The following ROCK2 variants were observed in gnomAD, a reference collection of about 807,000 sequenced individuals.
The protein encoded by ROCK2 is rho-associated protein kinase 2.
ROCK2 carries 61 observed loss-of-function variants against 195.1 expected under a neutral mutation model. That is an observed-to-expected ratio of 0.31 (90% CI 0.25 to 0.39). The LOEUF is 0.39. ROCK2 is among the 10% of genes least tolerant of loss of function. The pLI is 1.00. For missense variants in ROCK2, 1,109 were observed against 1,637.4 expected, an observed-to-expected ratio of 0.68 and a Z score of 5.57; for synonymous variants, 504 against 545.5, an observed-to-expected ratio of 0.92 and a Z score of 1.06.
At chr2:11,283,157 C>T (rs1422162331) in intron 3 of ROCK2, among the ~76,000 whole-genome samples, 2 of 151,836 alleles carry the variant, frequency 1.3e-5, no homozygotes, top group Non-Finnish European at 2.9e-5. Flanking sequence ...ATCCCAGCTA[C>T]TTGGGAGGCT....
chr2:11,327,112 G>A (rs1245249084), intron 1 of ROCK2, among the ~76,000 whole-genome samples: 1 of 152,068 alleles, frequency 6.6e-6, no homozygotes, highest in Admixed American at 6.6e-5. Context: ...TGCTTTTTTT[G>A]TTGGCCAAAG....
At chr2:11,241,145 A>C (rs1469513111) in intron 4 of ROCK2, among the ~76,000 whole-genome samples, 1 of 152,234 alleles carries the variant, frequency 6.6e-6, no homozygotes, top group Admixed American at 6.5e-5. Flanking sequence ...ATCAAAAGGA[A>C]TGAAATATTG....
intron 1 of ROCK2, among the ~76,000 whole-genome samples, chr2:11,312,707 A>G (rs1251684539): frequency 6.6e-6 from 1 of 152,098 alleles, no homozygotes; most frequent in Non-Finnish European, 1.5e-5. Flanking sequence ...TAGCAGCTTT[A>G]TAATTGCCAA....
intron 4 of ROCK2, among the ~76,000 whole-genome samples, chr2:11,247,969 C>T (rs1260518044): frequency 6.6e-6 from 1 of 151,464 alleles, no homozygotes; most frequent in African/African-American, 2.4e-5. Context: ...TTGCAATGAG[C>T]GAAGATCACG....
At chr2:11,248,708 CAAAAAAAAAAAAAAAAAAAAA>C in intron 4 of ROCK2, among the ~76,000 whole-genome samples, 1 of 45,416 alleles carries the variant, frequency 2.2e-5, no homozygotes, top group South Asian at 1.2e-3. Context: ...GACTTCATCT[CAAAAAAAAAAAAAAAAAAAAA>C]AAAAAAAAAG....
chr2:11,265,301 T>A lies in ROCK2; in HGVS notation c.325-15503A>T, dbSNP rs188670409. On this transcript the variant is annotated intron_variant, in intron 3 of 32. Transcript: ENST00000315872. The stretch of plus-strand genomic sequence containing the variant: ...AATGGGCAAGTTGGAAATCTAGATA[T>A]CAAATTAATAAGAGTAGTTCTCTCT... Among the ~76,000 whole-genome samples the A allele has an allele frequency of 6.7e-3, 1,020 of 152,272 alleles. 8 individuals carry two copies. Among genetic ancestry groups the A allele is most frequent in the Non-Finnish European group, 9.7e-3 (662 of 68,006 alleles).
chr2:11,287,730 A>G lies in ROCK2; in HGVS notation c.148T>C (p.Leu50=). The change falls in exon 2 of 33, where the codon TTA becomes CTA. Residue 50 remains leucine, a synonymous_variant. Transcript: ENST00000315872. ...TCTAAATCAAGGACCAAGGAATTTA[A>G]GCCATCCTGTTAAGAAATAAAAAGA... ...PINVESLLDG[L]NSLVLDLDFP... 2 of 1,293,456 alleles carry G rather than the reference A, an allele frequency of 1.5e-6. No homozygotes were observed. The highest frequency in any genetic ancestry group is 1.0e-6 in the Non-Finnish European group (1 of 965,088). The allele number at this position is 1,293,456 out of a possible 1,614,324, so 80.1% of individuals were successfully genotyped here.
At chr2:11,287,791 T>C in intron 1 of ROCK2, 55 bp from the exon 2 acceptor site, 1 of 711,312 alleles carries the variant, frequency 1.4e-6, no homozygotes. Context: ...AAGCATTCAT[T>C]TAAAAAAGTC....
intron 32 of ROCK2, among the ~76,000 whole-genome samples, chr2:11,190,684 G>A (rs1663391634): frequency 6.6e-6 from 1 of 151,988 alleles, no homozygotes. Context: ...TATTCCATAG[G>A]ACTATTTTAA....
intron 2 of ROCK2, among the ~76,000 whole-genome samples, chr2:11,286,919 A>G (rs115394619): frequency 0.011 from 1,617 of 152,304 alleles, 17 homozygotes; most frequent in Non-Finnish European, 0.016. Context: ...GTTAGATGAT[A>G]GCTGACACAG....
At chr2:11,321,015 CAAGAAT>C (rs1668383242) in intron 1 of ROCK2, among the ~76,000 whole-genome samples, 1 of 152,156 alleles carries the variant, frequency 6.6e-6, no homozygotes, top group African/African-American at 2.4e-5. Flanking sequence ...AAGAGCTGAA[CAAGAAT>C]AATTCCTGCC....
intron 18 of ROCK2, among the ~76,000 whole-genome samples, chr2:11,211,151 T>G (rs1003975768): frequency 6.6e-6 from 1 of 152,198 alleles, no homozygotes; most frequent in African/African-American, 2.4e-5. Context: ...CTATTAGTAT[T>G]ATATGGCTTC....
At position 11,317,638 on chromosome 2, in the gene ROCK2, T is replaced by A. The variant is rs1304077268; in HGVS notation, c.141+26358A>T. On this transcript the variant is annotated intron_variant, in intron 1 of 32. Transcript: ENST00000315872. Reference sequence around the variant, plus strand: ...TTTTTTTTTTTTTTTAATTATACTTTAAGTTCTAGGGTACATGTGCACAAC... The same window carrying A: ...TTTTTTTTTTTTTTTAATTATACTTAAAGTTCTAGGGTACATGTGCACAAC... 1.0e-3 allele frequency among the ~76,000 whole-genome samples: 117 copies of A among 112,516 alleles called. 2 individuals are homozygous for A. Among genetic ancestry groups the A allele is most frequent in the African/African-American group, 3.5e-3 (111 of 32,070 alleles). 73.8% of individuals were successfully genotyped at this position (112,516 alleles called of 152,430 possible). A position where few individuals can be genotyped will look rare whatever the true frequency, so the allele number is the denominator to read the frequency against.
In ROCK2 at chr2:11,235,971, C is replaced by A; in HGVS notation, c.463-9G>T. On this transcript the variant is annotated splice_polypyrimidine_tract_variant and intron_variant, in intron 4 of 32. Transcript: ENST00000315872. This position sits in a 1 kb window ranked among gnomAD's most constrained non-coding sequence, Gnocchi z 4.2. ...TGAAAGGCATAAAAAAGCTGGAAAA[C>A]AAAAGGAAAAGGAAAAATTTTTAAA... 7.1e-7 allele frequency: 1 copy of A among 1,405,144 alleles called. No individual in the cohort carries two copies. The highest frequency in any genetic ancestry group is 9.3e-7 in the Non-Finnish European group (1 of 1,072,426). 87.0% of individuals were successfully genotyped at this position (1,405,144 alleles called of 1,614,324 possible). A position where few individuals can be genotyped will look rare whatever the true frequency, so the allele number is the denominator to read the frequency against.
chr2:11,261,773 C>T (rs968292677), intron 3 of ROCK2, among the ~76,000 whole-genome samples: 2 of 152,058 alleles, frequency 1.3e-5, no homozygotes, highest in African/African-American at 2.4e-5. Context: ...TGCAGTGATC[C>T]GAGATCACGC....
intron 3 of ROCK2, among the ~76,000 whole-genome samples, chr2:11,265,042 C>T (rs1188863111): frequency 7.9e-5 from 12 of 152,228 alleles, no homozygotes; most frequent in South Asian, 2.1e-4. Flanking sequence ...ATCCTAACTA[C>T]GTGAGTTTAA....
intron 1 of ROCK2, among the ~76,000 whole-genome samples, chr2:11,293,892 C>T (rs1300937138): frequency 6.6e-6 from 1 of 152,136 alleles, no homozygotes; most frequent in African/African-American, 2.4e-5. Context: ...GGCGCGGTGG[C>T]TCACACCTGT....
chr2:11,340,315 T>C (rs771296987), intron 1 of ROCK2, among the ~76,000 whole-genome samples: 2 of 152,150 alleles, frequency 1.3e-5, no homozygotes, highest in African/African-American at 2.4e-5. Context: ...TATTCTAATG[T>C]GAGATTAGGT....
At chr2:11,307,790 T>C (rs918738450) in intron 1 of ROCK2, among the ~76,000 whole-genome samples, 2 of 152,222 alleles carry the variant, frequency 1.3e-5, no homozygotes, top group African/African-American at 4.8e-5. Flanking sequence ...ACCAACAGAT[T>C]GTTGCATATG....
Sources: gnomAD v4.1 joint callset for allele counts (sites outside exome capture counted in the v4.1 genomes callset) on GRCh38, gnomAD v4.1.1 for gene constraint, Gnocchi (gnomAD v3.1) non-coding constraint, MANE v1.5 for transcripts, NCBI Gene and HGNC (gene_info 2026-07-23, HGNC 2026-07-21) for gene names.